Variants in MACROD2 observed in about 807,000 individuals in gnomAD.
MACROD2 encodes ADP-ribose glycohydrolase MACROD2.
Under a neutral mutation model 70.4 loss-of-function variants are expected in MACROD2, and 36 were observed. That is an observed-to-expected ratio of 0.51 (90% CI 0.39 to 0.68). The LOEUF is 0.68. MACROD2 is among the 30% of genes least tolerant of loss of function. The pLI, the probability that MACROD2 is intolerant of heterozygous loss-of-function variation, is 0.00. For synonymous variants in MACROD2, 172 were observed against 178.8 expected (o/e 0.96, Z 0.30); for missense variants, 496 against 538.4 (o/e 0.92, Z 0.78).
chr20:15,127,320 A>G (rs1373090181), intron 5 of MACROD2, among the ~76,000 whole-genome samples: 1 of 152,152 alleles, frequency 6.6e-6, no homozygotes, highest in African/African-American at 2.4e-5. Flanking sequence ...CCAGAGTAAT[A>G]AGAAAAACAT....
At chr20:15,877,210 T>C (rs2064688259) in intron 9 of MACROD2, among the ~76,000 whole-genome samples, 1 of 152,090 alleles carries the variant, frequency 6.6e-6, no homozygotes, top group South Asian at 2.1e-4. Context: ...CATCTCCAGC[T>C]GGGAGTCTCT....
At chr20:15,139,656 A>G (rs766684303) in intron 5 of MACROD2, among the ~76,000 whole-genome samples, 2 of 152,288 alleles carry the variant, frequency 1.3e-5, no homozygotes, top group South Asian at 2.1e-4. Context: ...GATTTGCCCA[A>G]TATTGGTGCT....
chr20:14,806,988 G>T (rs2072647190), intron 5 of MACROD2, among the ~76,000 whole-genome samples: 3 of 152,154 alleles, frequency 2.0e-5, no homozygotes, highest in Admixed American at 2.0e-4. Context: ...CAGAGCACCT[G>T]GGAGAAGGAG....
At chr20:14,696,739 A>C (rs993014846) in intron 5 of MACROD2, among the ~76,000 whole-genome samples, 4 of 152,004 alleles carry the variant, frequency 2.6e-5, no homozygotes, top group African/African-American at 9.7e-5. Context: ...TTGTGTCTGT[A>C]TTGTGTTTGG....
At chr20:15,385,527 A>G (rs1298684267) in intron 6 of MACROD2, among the ~76,000 whole-genome samples, 1 of 152,104 alleles carries the variant, frequency 6.6e-6, no homozygotes, top group African/African-American at 2.4e-5. Flanking sequence ...TTATTTCCCT[A>G]CATCTGTTTA....
intron 6 of MACROD2, among the ~76,000 whole-genome samples, chr20:15,283,422 C>G (rs2077463612): frequency 6.6e-6 from 1 of 152,196 alleles, no homozygotes; most frequent in African/African-American, 2.4e-5. Flanking sequence ...TCTGTAATCC[C>G]TGCCCTTTGG....
At chr20:14,026,762 T>G (rs1189596877) in intron 2 of MACROD2, among the ~76,000 whole-genome samples, 4 of 152,360 alleles carry the variant, frequency 2.6e-5, no homozygotes, top group Admixed American at 2.6e-4. Flanking sequence ...CCTTTCTCTC[T>G]GGCTCCCCTT....
At chr20:14,265,564 G>A (rs2082137429) in intron 3 of MACROD2, among the ~76,000 whole-genome samples, 1 of 151,872 alleles carries the variant, frequency 6.6e-6, no homozygotes, top group Non-Finnish European at 1.5e-5. Context: ...TTTGTGAAAT[G>A]TTAATGACAT....
At chr20:14,845,528 C>T (rs1010753026) in intron 5 of MACROD2, among the ~76,000 whole-genome samples, 1 of 152,000 alleles carries the variant, frequency 6.6e-6, no homozygotes, top group African/African-American at 2.4e-5. Context: ...TGATTATATG[C>T]TTAGCCAAGA....
chr20:15,668,675 G>A (rs1402499407), intron 8 of MACROD2, among the ~76,000 whole-genome samples: 1 of 152,186 alleles, frequency 6.6e-6, no homozygotes, highest in African/African-American at 2.4e-5. Flanking sequence ...TGGTTTTGAT[G>A]TTTGTCGCAA....
At chr20:14,868,397 C>T (rs1424743607) in intron 5 of MACROD2, among the ~76,000 whole-genome samples, 1 of 151,912 alleles carries the variant, frequency 6.6e-6, no homozygotes. Flanking sequence ...AACTCTGGAG[C>T]TCAAATGATT....
intron 8 of MACROD2, among the ~76,000 whole-genome samples, chr20:15,773,255 G>A (rs1017572476): frequency 6.9e-6 from 1 of 145,372 alleles, no homozygotes. Flanking sequence ...ACATGATACA[G>A]TTTTAAGAAT....
At chr20:14,006,980 T>G (rs1237059146) in intron 2 of MACROD2, among the ~76,000 whole-genome samples, 2 of 152,194 alleles carry the variant, frequency 1.3e-5, no homozygotes, top group African/African-American at 2.4e-5. Flanking sequence ...ATTGTCTCCC[T>G]CAGTAGTGAT....
chr20:14,990,970 A>G (rs2074898430), intron 5 of MACROD2, among the ~76,000 whole-genome samples: 1 of 152,196 alleles, frequency 6.6e-6, no homozygotes, highest in Admixed American at 6.5e-5. Flanking sequence ...GAAGATAAAG[A>G]TCAAGAAGGG....
intron 6 of MACROD2, among the ~76,000 whole-genome samples, chr20:15,387,395 A>G (rs1431930902): frequency 6.7e-6 from 1 of 148,900 alleles, no homozygotes; most frequent in Non-Finnish European, 1.5e-5. Context: ...ACCTCTCTGC[A>G]GTCTGCACTT....
chr20:14,885,638 C>G (rs143709274), intron 5 of MACROD2, among the ~76,000 whole-genome samples: 2 of 152,186 alleles, frequency 1.3e-5, no homozygotes, highest in African/African-American at 4.8e-5. Context: ...GGATGGGGTC[C>G]CAGCCTCCTT....
chr20:14,523,489 G>T (rs2085194283), intron 4 of MACROD2: 1 of 152,264 alleles, frequency 6.6e-6, no homozygotes, highest in East Asian at 1.9e-4. Context: ...TATTTAATCA[G>T]TGAGTCTCCT....
At chr20:14,685,600 T>G (rs1160849022) in intron 5 of MACROD2, among the ~76,000 whole-genome samples, 2 of 152,166 alleles carry the variant, frequency 1.3e-5, no homozygotes, top group Non-Finnish European at 2.9e-5. Flanking sequence ...CTGGGTGGCA[T>G]GGTATGGGAT....
intron 12 of MACROD2, 113 bp downstream of exon 12, chr20:15,937,657 T>C: frequency 1.1e-6 from 1 of 902,666 alleles, no homozygotes; most frequent in Non-Finnish European, 1.8e-6. Context: ...TTTTCTTAAG[T>C]GTCTCTGTTT....
Sources: allele counts gnomAD v4.1 joint callset (sites outside exome capture counted in the v4.1 genomes callset), GRCh38; gene constraint gnomAD v4.1.1; transcripts MANE v1.5; gene names NCBI Gene and HGNC (gene_info 2026-07-23, HGNC 2026-07-21).